MS4A6E: variants seen among roughly 807,000 people sequenced by gnomAD.
The protein encoded by MS4A6E is membrane-spanning 4-domains subfamily A member 6E.
MS4A6E carries 8 observed loss-of-function variants against 13.2 expected under a neutral mutation model. The observed-to-expected ratio is 0.60, with a 90% CI of 0.35 to 1.09. The LOEUF is 1.09. Ranked by LOEUF, MS4A6E falls within the 50% of genes least tolerant of loss-of-function variation. MS4A6E has a pLI of 0.02. For synonymous variants in MS4A6E, 72 were observed against 67.6 expected, an observed-to-expected ratio of 1.06 and a Z score of -0.32; for missense variants, 177 against 171.1, an observed-to-expected ratio of 1.03 and a Z score of -0.19.
At chr11:60,342,045 GCTAA>G (rs2085228707), downstream of MS4A6E, among the ~76,000 whole-genome samples, 1 of 152,028 alleles carries the variant, frequency 6.6e-6, no homozygotes, top group Admixed American at 6.6e-5. Flanking sequence ...TAGGGATTTC[GCTAA>G]CTGTTATTTG....
In MS4A6E at chr11:60,337,852, T is replaced by C. The variant is rs751855578; in HGVS notation, c.259T>C (p.Leu87=). Residue 87 remains leucine, a synonymous_variant, in exon 3 of 5, where the codon TTG becomes CTG. Transcript: ENST00000684409. ...ALNPASLQCK[L]DEKDIPTRLL... ...AAATCCTGCCTCATTGCAGTGTAAGTTGGACGAAAAGGATATACCAACCAG... is the reference window on the plus strand; with the variant it reads ...AAATCCTGCCTCATTGCAGTGTAAGCTGGACGAAAAGGATATACCAACCAG... The C allele has an allele frequency of 1.1e-5, 18 of 1,614,176 alleles. No homozygotes were observed. Among genetic ancestry groups the C allele is most frequent in the Non-Finnish European group, 1.4e-5 (16 of 1,180,030 alleles).
intron 1 of MS4A6E, 47 bp from the exon 2 acceptor site, chr11:60,334,835 T>C (rs2085177854): frequency 6.3e-7 from 1 of 1,592,130 alleles, no homozygotes; most frequent in African/African-American, 1.3e-5. Flanking sequence ...AGCCAGAACT[T>C]GGGAGCTCTG....
At chr11:60,333,013 C>T (rs1466532168) in intron 1 of MS4A6E, among the ~76,000 whole-genome samples, 7 of 152,234 alleles carry the variant, frequency 4.6e-5, no homozygotes, top group Non-Finnish European at 5.9e-5. Context: ...CTTTCCTTCA[C>T]ACTTCCCTCT....
chr11:60,328,817 C>A (rs564435878), intron 1 of MS4A6E, among the ~76,000 whole-genome samples: 1 of 152,000 alleles, frequency 6.6e-6, no homozygotes, highest in South Asian at 2.1e-4. Flanking sequence ...TCAAAAGATA[C>A]AAAGTGAAAG....
At chr11:60,341,469 G>A (rs560054359), downstream of MS4A6E, among the ~76,000 whole-genome samples, 5 of 152,098 alleles carry the variant, frequency 3.3e-5, no homozygotes, top group South Asian at 8.3e-4. Context: ...GTGAACAAAT[G>A]CTAACCAGGA....
At chr11:60,342,144 AGTGTGTGT>A (rs757687887), downstream of MS4A6E, among the ~76,000 whole-genome samples, 84 of 125,474 alleles carry the variant, frequency 6.7e-4, no homozygotes, top group African/African-American at 2.0e-3. Flanking sequence ...AGGATAAACA[AGTGTGTGT>A]GTGTGTGTGT....
At chr11:60,337,982 T>C (rs778869664) in intron 3 of MS4A6E, 35 bp downstream of exon 3, 22 of 1,582,778 alleles carry the variant, frequency 1.4e-5, no homozygotes, top group Non-Finnish European at 1.9e-5. Flanking sequence ...TCTAATTTTA[T>C]GAGGTTTCTG....
At chr11:60,343,494 A>G (rs2085241757), downstream of MS4A6E, among the ~76,000 whole-genome samples, 1 of 152,218 alleles carries the variant, frequency 6.6e-6, no homozygotes, top group Non-Finnish European at 1.5e-5. Flanking sequence ...GCATGTATCA[A>G]TTCCCGGAAA....
chr11:60,339,333 TAGAC>T, intron 3 of MS4A6E, among the ~76,000 whole-genome samples: 1 of 152,332 alleles, frequency 6.6e-6, no homozygotes, highest in East Asian at 1.9e-4. Flanking sequence ...TTCAGATACA[TAGAC>T]AGGGATGTCA....
chr11:60,346,868 C>T (rs368131510), intron 4 of MS4A6E, among the ~76,000 whole-genome samples: 15 of 152,180 alleles, frequency 9.9e-5, no homozygotes, highest in South Asian at 4.1e-4. Flanking sequence ...TTTTCAGCTG[C>T]GGTGAGGGTT....
At chr11:60,345,216 G>A (rs1289587118), downstream of MS4A6E, among the ~76,000 whole-genome samples, 1 of 152,184 alleles carries the variant, frequency 6.6e-6, no homozygotes, top group Non-Finnish European at 1.5e-5. Flanking sequence ...TTACAGGCTT[G>A]AGCCACCGCG....
chr11:60,348,955 T>A (rs947748316), intron 4 of MS4A6E, among the ~76,000 whole-genome samples: 12 of 152,084 alleles, frequency 7.9e-5, no homozygotes, highest in African/African-American at 2.4e-4. Context: ...AGGAGAAGAA[T>A]GGGAGTGAAG....
intron 1 of MS4A6E, among the ~76,000 whole-genome samples, chr11:60,328,245 G>A (rs1466968180): frequency 2.0e-5 from 3 of 152,002 alleles, no homozygotes; most frequent in African/African-American, 7.3e-5. Flanking sequence ...TGAATTAAAA[G>A]ATAAAATGTA....
chr11:60,336,959 C>A (rs946569065), intron 2 of MS4A6E, among the ~76,000 whole-genome samples: 2 of 152,080 alleles, frequency 1.3e-5, no homozygotes, highest in Non-Finnish European at 2.9e-5. Context: ...AACTGAGTAC[C>A]CAAGGGAACA....
intron 1 of MS4A6E, among the ~76,000 whole-genome samples, chr11:60,333,152 CTG>C (rs1184538190): frequency 6.6e-6 from 1 of 152,212 alleles, no homozygotes; most frequent in African/African-American, 2.4e-5. Context: ...AGTTACCAGG[CTG>C]TGTTTTCAAC....
chr11:60,331,151 C>T (rs928136832), intron 1 of MS4A6E, among the ~76,000 whole-genome samples: 10 of 152,118 alleles, frequency 6.6e-5, no homozygotes, highest in African/African-American at 2.4e-4. Context: ...TATCCTGATA[C>T]TTAATGTCTA....
chr11:60,344,764 G>C (rs1384559297), downstream of MS4A6E, among the ~76,000 whole-genome samples: 1 of 152,152 alleles, frequency 6.6e-6, no homozygotes, highest in Non-Finnish European at 1.5e-5. Context: ...TGCTGACTTA[G>C]CTGCCTGATC....
chr11:60,338,263 A>G (rs1016102557), intron 3 of MS4A6E, among the ~76,000 whole-genome samples: 16 of 152,226 alleles, frequency 1.1e-4, no homozygotes, highest in Admixed American at 9.8e-4. Context: ...ATGTTGGTAC[A>G]TAGAGTGGTG....
downstream of MS4A6E, among the ~76,000 whole-genome samples, chr11:60,345,756 T>G (rs548517794): frequency 2.6e-5 from 4 of 152,334 alleles, no homozygotes; most frequent in South Asian, 8.3e-4. Flanking sequence ...ATGTGGGGTG[T>G]AAATCATTTC....
Sources: gnomAD v4.1 joint callset for allele counts (sites outside exome capture counted in the v4.1 genomes callset) on GRCh38, gnomAD v4.1.1 for gene constraint, MANE v1.5 for transcripts, NCBI Gene and HGNC (gene_info 2026-07-23, HGNC 2026-07-21) for gene names.